GUCA1C: variants seen among roughly 807,000 people sequenced by gnomAD.
GUCA1C encodes guanylate cyclase activator 1C, also known as guanylyl cyclase-activating protein 3.
In GUCA1C, 15 loss-of-function variants were observed where a neutral mutation model predicts 16.2. The observed-to-expected ratio is 0.93, with a 90% CI of 0.62 to 1.43. The LOEUF is 1.43. GUCA1C is among the 40% of genes most tolerant of loss of function. The probability of loss-of-function intolerance (pLI) is 0.00; values close to 1 mark genes in which losing one functional copy is unlikely to be tolerated. For missense variants in GUCA1C, 275 were observed against 244.8 expected, an observed-to-expected ratio of 1.12 and a Z score of -0.82; for synonymous variants, 78 against 85.4, an observed-to-expected ratio of 0.91 and a Z score of 0.48.
At chr3:108,936,490 G>C (rs912510860) in intron 1 of GUCA1C, among the ~76,000 whole-genome samples, 8 of 152,104 alleles carry the variant, frequency 5.3e-5, no homozygotes, top group African/African-American at 1.9e-4. Flanking sequence ...TTAAATAAAT[G>C]AATTAAAGTA....
chr3:108,948,936 C>T lies in GUCA1C; in HGVS notation c.204+4623G>A, dbSNP rs560591504. Among the ~76,000 whole-genome samples the T allele has an allele frequency of 2.1e-3, 320 of 152,092 alleles. 1 individual carries two copies. The highest frequency in any genetic ancestry group is 3.4e-3 in the Non-Finnish European group (230 of 68,012). ...GATCTCAACTCTCTGCAACTTCCGCCTCCCAGGTTCAAGCAATTCTCTTGT... is the reference window on the plus strand; with the variant it reads ...GATCTCAACTCTCTGCAACTTCCGCTTCCCAGGTTCAAGCAATTCTCTTGT... On this transcript the variant is annotated intron_variant, in intron 1 of 3. Coordinates refer to ENST00000261047, the MANE Select transcript of GUCA1C (RefSeq NM_005459.4).
chr3:108,911,975 G>A (rs111816163), intron 3 of GUCA1C, among the ~76,000 whole-genome samples: 2 of 151,748 alleles, frequency 1.3e-5, no homozygotes, highest in South Asian at 2.1e-4. Flanking sequence ...GCGTAGTGGT[G>A]GGTGACTGTA....
intron 1 of GUCA1C, among the ~76,000 whole-genome samples, chr3:108,947,253 G>A (rs555799708): frequency 3.9e-5 from 6 of 152,026 alleles, no homozygotes; most frequent in Admixed American, 6.6e-5. Context: ...AAAATAATAC[G>A]GAAGAGAAAA....
In GUCA1C at chr3:108,928,121, G is replaced by A. The variant is rs142214913; in HGVS notation, c.205-7536C>T. 8.2e-3 allele frequency among the ~76,000 whole-genome samples: 1,251 copies of A among 152,340 alleles called. 20 individuals carry two copies. The highest frequency in any genetic ancestry group is 0.028 in the African/African-American group (1,183 of 41,584). ...AGTTTTTCAGCATCTCAGGGAGACT[G>A]CAGTGGTGATCTAGTTCTTTCAAAG... is the stretch of plus-strand genomic sequence containing the variant. On this transcript the variant is annotated intron_variant, in intron 1 of 3. Coordinates refer to ENST00000261047, the MANE Select transcript of GUCA1C (RefSeq NM_005459.4).
intron 3 of GUCA1C, among the ~76,000 whole-genome samples, chr3:108,912,311 G>C (rs576982640): frequency 4.6e-5 from 7 of 151,854 alleles, no homozygotes; most frequent in East Asian, 3.9e-4. Flanking sequence ...CCTAAATAGA[G>C]CATGGTAGAA....
chr3:108,948,317 CCTCT>C (rs1203467954), intron 1 of GUCA1C, among the ~76,000 whole-genome samples: 1 of 152,068 alleles, frequency 6.6e-6, no homozygotes, highest in African/African-American at 2.4e-5. Context: ...TCCCCTTCGC[CCTCT>C]CTCTCCCGCC....
intron 1 of GUCA1C, among the ~76,000 whole-genome samples, chr3:108,932,285 G>T (rs1191339654): frequency 6.8e-6 from 1 of 146,970 alleles, no homozygotes; most frequent in African/African-American, 2.6e-5. Context: ...AGAATCATAT[G>T]GGGGATAATG....
At chr3:108,935,766 CCTTT>C (rs1946721550) in intron 1 of GUCA1C, among the ~76,000 whole-genome samples, 1 of 151,950 alleles carries the variant, frequency 6.6e-6, no homozygotes, top group Non-Finnish European at 1.5e-5. Flanking sequence ...TAATTTTTTT[CCTTT>C]CTACCATTAA....
intron 1 of GUCA1C, among the ~76,000 whole-genome samples, chr3:108,949,256 G>T (rs1311319433): frequency 7.2e-5 from 11 of 152,120 alleles, no homozygotes; most frequent in Admixed American, 7.2e-4. Flanking sequence ...GAGTTTACTT[G>T]GAGAAATCCA....
intron 1 of GUCA1C, among the ~76,000 whole-genome samples, chr3:108,943,067 G>C (rs1228527603): frequency 6.6e-6 from 1 of 152,104 alleles, no homozygotes; most frequent in Non-Finnish European, 1.5e-5. Context: ...AAGCCATTTA[G>C]GATTCAGAGC....
intron 1 of GUCA1C, among the ~76,000 whole-genome samples, chr3:108,937,247 C>G (rs879911887): frequency 2.6e-5 from 4 of 152,154 alleles, no homozygotes; most frequent in South Asian, 2.1e-4. Flanking sequence ...CAGGGGGCCT[C>G]GTAGCTGCAT....
rs771307834 is a variant in GUCA1C, at chr3:108,944,126, TAA to T, written c.204+9431_204+9432del. ...TGAGATAATTACTCCAATTAAGCAC[TAA>T]GTTACAATGTGGAAGATATGGTGGC... On this transcript the variant is annotated intron_variant, in intron 1 of 3. Transcript: ENST00000261047. Among the ~76,000 whole-genome samples the T allele has an allele frequency of 7.2e-5, 11 of 152,188 alleles. No homozygotes were observed. The East Asian group carries it at 7.7e-4, about 11-fold the overall frequency.
chr3:108,912,804 A>G (rs886615552), intron 3 of GUCA1C, among the ~76,000 whole-genome samples: 2 of 151,548 alleles, frequency 1.3e-5, no homozygotes, highest in Admixed American at 6.6e-5. Context: ...CTTACATGAC[A>G]TCTTCTTAGC....
intron 1 of GUCA1C, among the ~76,000 whole-genome samples, chr3:108,929,236 T>C (rs1383618453): frequency 6.6e-6 from 1 of 152,216 alleles, no homozygotes; most frequent in Non-Finnish European, 1.5e-5. Flanking sequence ...TTATTGCTGG[T>C]ATATAGGAAA....
At position 108,911,836 on chromosome 3, in the gene GUCA1C, T is replaced by C. The variant is rs181924465; in HGVS notation, c.443-3627A>G. ...AATCACCCTTTTTGGCCGGGCATGG[T>C]GGCTCATGCCTGTAATCCCTGAACT... is the stretch of plus-strand genomic sequence containing the variant. On this transcript the variant is annotated intron_variant, in intron 3 of 3. Coordinates refer to ENST00000261047, the MANE Select transcript of GUCA1C (RefSeq NM_005459.4). Among the ~76,000 whole-genome samples the C allele has an allele frequency of 4.3e-4, 65 of 152,262 alleles. No individual in the cohort carries two copies. The East Asian group carries it at 0.012, about 28-fold the overall frequency.
chr3:108,939,384 T>C (rs1321224205), intron 1 of GUCA1C, among the ~76,000 whole-genome samples: 2 of 133,434 alleles, frequency 1.5e-5, no homozygotes, highest in Admixed American at 8.5e-5. Context: ...CAGGTGGGAG[T>C]GCAGTGGCAT....
chr3:108,939,978 G>A (rs546196086), intron 1 of GUCA1C, among the ~76,000 whole-genome samples: 10 of 152,178 alleles, frequency 6.6e-5, no homozygotes, highest in Non-Finnish European at 1.2e-4. Context: ...TAAAATACAT[G>A]AATTACAACA....
chr3:108,921,786 A>AT (rs1180701925), intron 1 of GUCA1C, among the ~76,000 whole-genome samples: 2 of 151,572 alleles, frequency 1.3e-5, no homozygotes, highest in Admixed American at 6.6e-5. Flanking sequence ...CCTTTTTTCA[A>AT]TTTTTTTATT....
intron 3 of GUCA1C, among the ~76,000 whole-genome samples, chr3:108,910,995 TTTA>T (rs1481732508): frequency 1.3e-5 from 2 of 152,164 alleles, no homozygotes; most frequent in African/African-American, 4.8e-5. Context: ...ACTTCACGAT[TTTA>T]TTTTTATAAG....
Sources: allele counts gnomAD v4.1 joint callset (sites outside exome capture counted in the v4.1 genomes callset), GRCh38; gene constraint gnomAD v4.1.1; transcripts MANE v1.5; gene names NCBI Gene and HGNC (gene_info 2026-07-23, HGNC 2026-07-21).